UBR3: variants seen among roughly 807,000 people sequenced by gnomAD.
The protein encoded by UBR3 is E3 ubiquitin-protein ligase UBR3.
UBR3 carries 85 observed loss-of-function variants against 243.2 expected under a neutral mutation model. The ratio of observed to expected loss-of-function variants is 0.35; its 90% CI spans 0.29 to 0.42. The LOEUF (loss-of-function observed/expected upper bound fraction) is 0.42. UBR3 is among the 10% of genes least tolerant of loss of function. The pLI is 1.00. For missense variants in UBR3, 1,686 were observed against 2,300.8 expected, an observed-to-expected ratio of 0.73 and a Z score of 5.47; for synonymous variants, 748 against 799.8, an observed-to-expected ratio of 0.94 and a Z score of 1.09.
At chr2:169,867,023 T>C (rs1487780968) in intron 1 of UBR3, among the ~76,000 whole-genome samples, 2 of 152,236 alleles carry the variant, frequency 1.3e-5, no homozygotes, top group African/African-American at 4.8e-5. Flanking sequence ...AGAATACCAA[T>C]GATGTTTTAA....
At chr2:169,861,437 G>A (rs1254127137) in intron 1 of UBR3, among the ~76,000 whole-genome samples, 3 of 151,954 alleles carry the variant, frequency 2.0e-5, no homozygotes, top group Non-Finnish European at 2.9e-5. Flanking sequence ...GTGAAACCCC[G>A]TCTCTACTAA....
intron 1 of UBR3, among the ~76,000 whole-genome samples, chr2:169,852,884 C>G (rs2082712001): frequency 2.4e-5 from 1 of 42,088 alleles, no homozygotes; most frequent in Admixed American, 2.8e-4. Context: ...AAAAACAAAA[C>G]CAAACAAATT....
intron 26 of UBR3, among the ~76,000 whole-genome samples, chr2:169,996,491 C>T (rs1392679778): frequency 1.3e-5 from 2 of 152,062 alleles, no homozygotes; most frequent in Non-Finnish European, 2.9e-5. Context: ...TTCAAGCTAT[C>T]CCATTTAGGA....
chr2:169,942,608 A>G lies in UBR3; in HGVS notation c.2779A>G (p.Ile927Val). 1 of 1,548,784 alleles carries G rather than the reference A, an allele frequency of 6.5e-7. No homozygotes were observed. The highest frequency in any genetic ancestry group is 8.7e-7 in the Non-Finnish European group (1 of 1,146,284). ...ACTTTTGCACTGTAAAACTTTACAC[A>G]TTGTGCTATTCACTCTGCTTTACAA... ...MRLLHCKTLHIVLFTLLYKIL... is the reference protein window; with the variant it reads ...MRLLHCKTLHVVLFTLLYKIL... Residue 927 changes from isoleucine (I) to valine (V), a missense_variant, in exon 20 of 39, where the codon ATT becomes GTT. Transcript: ENST00000272793.
chr2:169,881,805 TATA>T (rs1407826573), intron 5 of UBR3, among the ~76,000 whole-genome samples: 2 of 138,228 alleles, frequency 1.4e-5, no homozygotes, highest in Non-Finnish European at 3.1e-5. Flanking sequence ...ATATTTATGT[TATA>T]ATATACATAT....
At chr2:169,897,408 C>T (rs1398817010) in intron 8 of UBR3, among the ~76,000 whole-genome samples, 1 of 151,994 alleles carries the variant, frequency 6.6e-6, no homozygotes, top group African/African-American at 2.4e-5. Context: ...AGTTACTCAT[C>T]TTAACTTTAC....
chr2:169,898,576 A>G (rs927647800), intron 8 of UBR3, among the ~76,000 whole-genome samples: 2 of 149,248 alleles, frequency 1.3e-5, no homozygotes, highest in Non-Finnish European at 3.0e-5. Context: ...CAAAGCCTGT[A>G]CTCTTTCTTA....
At chr2:170,049,001 C>T in intron 32 of UBR3, among the ~76,000 whole-genome samples, 1 of 152,138 alleles carries the variant, frequency 6.6e-6, no homozygotes, top group Admixed American at 6.5e-5. Flanking sequence ...TAAACTTTAT[C>T]ATAGGTATGT....
chr2:170,051,505 C>G (rs11696056), intron 32 of UBR3, among the ~76,000 whole-genome samples: 64,963 of 151,902 alleles, frequency 0.43, 15,400 homozygotes, highest in Non-Finnish European at 0.54. Context: ...CCACCACGCC[C>G]GACTAATTTT....
intron 22 of UBR3, among the ~76,000 whole-genome samples, chr2:169,948,320 T>C (rs949437554): frequency 1.3e-5 from 2 of 152,022 alleles, no homozygotes; most frequent in Admixed American, 6.6e-5. Flanking sequence ...AGCAGCATGC[T>C]CATTTGCAAA....
At chr2:169,866,444 A>G (rs953091740) in intron 1 of UBR3, among the ~76,000 whole-genome samples, 1 of 151,140 alleles carries the variant, frequency 6.6e-6, no homozygotes, top group African/African-American at 2.4e-5. Flanking sequence ...GCCCACTGCA[A>G]CCTCCGCCTC....
Position 170,040,952 on chromosome 2 carries a change from C to T in UBR3, c.4627C>T (p.Gln1543Ter). The T allele has an allele frequency of 6.2e-7, 1 of 1,613,360 alleles. No homozygotes were observed. Among genetic ancestry groups the T allele is most frequent in the Non-Finnish European group, 8.5e-7 (1 of 1,179,666 alleles). Residue 1543 changes from glutamine to a stop codon, truncating the protein, a stop_gained, in exon 32 of 39, where the codon CAG becomes TAG. Coordinates refer to ENST00000272793, the MANE Select transcript of UBR3 (RefSeq NM_172070.4). LOFTEE classifies it high-confidence loss of function. ...TGATGTAACATCCCTTTTGCTCATCCAGATCTTAATGATGCCACAACCCTT... is the reference window on the plus strand; with the variant it reads ...TGATGTAACATCCCTTTTGCTCATCTAGATCTTAATGATGCCACAACCCTT... ...YHDVTSLLLI[Q>*]ILMMPQPLRK...
At chr2:170,002,605 G>T (rs1406511444) in intron 27 of UBR3, among the ~76,000 whole-genome samples, 1 of 152,086 alleles carries the variant, frequency 6.6e-6, no homozygotes, top group Non-Finnish European at 1.5e-5. Context: ...CCCTTCTTCT[G>T]TTCAGGAATA....
At chr2:169,949,501 A>T in intron 22 of UBR3, 104 bp from the exon 23 acceptor site, 1 of 1,052,442 alleles carries the variant, frequency 9.5e-7, no homozygotes. Context: ...AAATCTTTGT[A>T]TGAAACTGAG....
intron 30 of UBR3, among the ~76,000 whole-genome samples, chr2:170,027,314 C>A (rs578060837): frequency 1.3e-5 from 2 of 150,614 alleles, no homozygotes; most frequent in Non-Finnish European, 3.0e-5. Context: ...ATTTAAATAT[C>A]ATTTAAAGAT....
At chr2:169,882,229 ATATATT>A (rs2083903659) in intron 5 of UBR3, among the ~76,000 whole-genome samples, 1 of 133,646 alleles carries the variant, frequency 7.5e-6, no homozygotes, top group African/African-American at 2.8e-5. Context: ...TATTATATAC[ATATATT>A]TATATTGTAT....
At chr2:169,997,822 G>A (rs1178848073) in intron 26 of UBR3, among the ~76,000 whole-genome samples, 1 of 152,082 alleles carries the variant, frequency 6.6e-6, no homozygotes, top group Non-Finnish European at 1.5e-5. Context: ...GGTTTTCATG[G>A]TCTCAGAATG....
rs1006718124 is a variant in UBR3 at position 170,083,251 on chromosome 2, A to C, written c.*1408A>C. 8 of 152,620 alleles carry C rather than the reference A, an allele frequency of 5.2e-5. No homozygotes were observed. Among genetic ancestry groups the C allele is most frequent in the Non-Finnish European group, 7.4e-5 (5 of 68,004 alleles). The allele number at this position is 152,620 out of a possible 1,614,324, so 9.5% of individuals were successfully genotyped here. On this transcript the variant is annotated 3_prime_UTR_variant, in exon 39 of 39. Coordinates refer to ENST00000272793, the MANE Select transcript of UBR3 (RefSeq NM_172070.4). ...TTACAAGAGTATAAAAATGGACATT[A>C]AATCATGGCCTTGCATTAAAATATG...
chr2:169,948,760 GCATC>G lies in UBR3; in HGVS notation c.3085-843_3085-840del, dbSNP rs1364830010. On this transcript the variant is annotated intron_variant, in intron 22 of 38. Coordinates refer to ENST00000272793, the MANE Select transcript of UBR3 (RefSeq NM_172070.4). Reference sequence around the variant, plus strand: ...TCACAAAAGCTCAACTGATATTACAGCATCCTTTCTATGCTCGCTTTTAAAAAAT... The same window carrying G: ...TCACAAAAGCTCAACTGATATTACAGCTTTCTATGCTCGCTTTTAAAAAAT... Among the ~76,000 whole-genome samples the G allele has an allele frequency of 2.6e-5, 4 of 151,936 alleles. No homozygotes were observed. In the East Asian group the frequency reaches 7.7e-4, roughly 29 times the overall value.
Sources: allele counts gnomAD v4.1 joint callset (sites outside exome capture counted in the v4.1 genomes callset), GRCh38; gene constraint gnomAD v4.1.1; transcripts MANE v1.5; gene names NCBI Gene and HGNC (gene_info 2026-07-23, HGNC 2026-07-21).